PID1: variants seen among roughly 807,000 people sequenced by gnomAD.
The protein encoded by PID1 is PTB-containing, cubilin and LRP1-interacting protein.
A neutral mutation model predicts 19.1 loss-of-function variants in PID1; 10 were observed. The ratio of observed to expected loss-of-function variants is 0.52; its 90% confidence interval spans 0.32 to 0.89. The LOEUF (loss-of-function observed/expected upper bound fraction) is 0.89. Among genes scored for constraint, PID1 ranks in the 40% least tolerant of loss-of-function variants. The probability of loss-of-function intolerance (pLI) is 0.03; values close to 1 mark genes in which losing one functional copy is unlikely to be tolerated. For synonymous variants in PID1, 130 were observed against 116.0 expected, an observed-to-expected ratio of 1.12 and a Z score of -0.78; for missense variants, 248 against 285.3, an observed-to-expected ratio of 0.87 and a Z score of 0.94.
intron 2 of PID1, among the ~76,000 whole-genome samples, chr2:229,055,096 G>A (rs146820461): frequency 3.9e-5 from 6 of 152,170 alleles, no homozygotes; most frequent in East Asian, 1.9e-4. Flanking sequence ...CTCTGAATTC[G>A]TCCATTGTGG....
At chr2:229,087,245 G>T (rs972695984) in intron 2 of PID1, among the ~76,000 whole-genome samples, 1 of 152,106 alleles carries the variant, frequency 6.6e-6, no homozygotes, top group Admixed American at 6.5e-5. Flanking sequence ...TCTAGAGCAC[G>T]CATACATTTT....
rs1014951422 is a variant in PID1, at chr2:229,262,593, T to C, written c.30+8421A>G. 7 of 1,480,772 alleles carry C rather than the reference T, an allele frequency of 4.7e-6. No homozygotes were observed. The South Asian group carries it at 9.8e-5, about 21-fold the overall frequency. 91.7% of individuals were successfully genotyped at this position (1,480,772 alleles called of 1,614,324 possible). A position where few individuals can be genotyped will look rare whatever the true frequency, so the allele number is the denominator to read the frequency against. ...GACCAAACATAGTCAAGAGGCTATA[T>C]GGTTTCACTGGTGTAGTAGCTACCT... On this transcript the variant is annotated intron_variant, in intron 1 of 2. Transcript: ENST00000392055.
chr2:229,216,409 T>A (rs566334134), intron 1 of PID1, among the ~76,000 whole-genome samples: 1 of 152,222 alleles, frequency 6.6e-6, no homozygotes, highest in African/African-American at 2.4e-5. Context: ...GGTTTTCCTT[T>A]CCAAAACAGT....
At chr2:229,251,944 T>TAAAAAAA (rs11284650) in intron 1 of PID1, among the ~76,000 whole-genome samples, 15 of 71,464 alleles carry the variant, frequency 2.1e-4, no homozygotes, top group East Asian at 3.7e-4. Context: ...AACCATAAGC[T>TAAAAAAA]AAAAAAAAAA....
chr2:229,255,370 A>C (rs1052764509), intron 1 of PID1, among the ~76,000 whole-genome samples: 1 of 152,234 alleles, frequency 6.6e-6, no homozygotes. Context: ...TGAAAGCAGC[A>C]GTAAGTTTGC....
intron 2 of PID1, among the ~76,000 whole-genome samples, chr2:229,103,614 G>T (rs1359285775): frequency 1.7e-5 from 2 of 119,694 alleles, no homozygotes; most frequent in Admixed American, 1.2e-4. Context: ...GTCTCGCTCT[G>T]TCACCCAGGC....
chr2:229,176,167 AAAAAAC>A (rs1480266961), intron 1 of PID1, among the ~76,000 whole-genome samples: 4 of 137,770 alleles, frequency 2.9e-5, no homozygotes, highest in Non-Finnish European at 5.0e-5. Context: ...ATTAAAAAAA[AAAAAAC>A]AAAACAAAAC....
chr2:229,027,515 ACT>A (rs543106034), intron 2 of PID1, among the ~76,000 whole-genome samples: 1 of 152,170 alleles, frequency 6.6e-6, no homozygotes, highest in South Asian at 2.1e-4. Context: ...CACAGCTATG[ACT>A]CTGATGTAAG....
At chr2:229,041,053 A>G (rs1693761160) in intron 2 of PID1, among the ~76,000 whole-genome samples, 1 of 152,182 alleles carries the variant, frequency 6.6e-6, no homozygotes, top group African/African-American at 2.4e-5. Context: ...GTTTGTGTGT[A>G]CATGCATATA....
chr2:229,044,713 G>A (rs936554633), intron 2 of PID1, among the ~76,000 whole-genome samples: 4 of 152,238 alleles, frequency 2.6e-5, no homozygotes, highest in Admixed American at 1.3e-4. Context: ...ACTGCTTTAT[G>A]CTTCTTGCCA....
chr2:229,268,395 C>T (rs762367139), intron 1 of PID1, among the ~76,000 whole-genome samples: 13 of 152,186 alleles, frequency 8.5e-5, no homozygotes, highest in Admixed American at 2.6e-4. Flanking sequence ...CTATCACACT[C>T]CCCTGGGACA....
chr2:229,071,574 A>G (rs1279849090), intron 2 of PID1, among the ~76,000 whole-genome samples: 1 of 152,256 alleles, frequency 6.6e-6, no homozygotes, highest in Non-Finnish European at 1.5e-5. Context: ...TCTTCTATAT[A>G]TAAGTAACAA....
intron 2 of PID1, among the ~76,000 whole-genome samples, chr2:229,149,810 A>C (rs1394653783): frequency 1.3e-5 from 2 of 152,196 alleles, no homozygotes; most frequent in African/African-American, 4.8e-5. Flanking sequence ...TGGTGAGCAC[A>C]GGCCTAGGTG....
intron 1 of PID1, chr2:229,232,231 G>A: frequency 9.9e-7 from 1 of 1,011,124 alleles, no homozygotes; most frequent in Non-Finnish European, 1.3e-6. Context: ...AGACCATCCT[G>A]GCTAACACAG....
chr2:229,133,381 A>G (rs1689785090), intron 2 of PID1, among the ~76,000 whole-genome samples: 1 of 152,240 alleles, frequency 6.6e-6, no homozygotes, highest in Admixed American at 6.5e-5. Flanking sequence ...AACTCTCTTC[A>G]TTCCCTGTGA....
intron 2 of PID1, among the ~76,000 whole-genome samples, chr2:229,038,673 T>C (rs112794054): frequency 1.8e-4 from 28 of 152,326 alleles, no homozygotes; most frequent in African/African-American, 6.7e-4. Flanking sequence ...AAAATAATTT[T>C]TGAAAATTTC....
At chr2:229,096,224 A>T (rs897457440) in intron 2 of PID1, among the ~76,000 whole-genome samples, 1 of 152,130 alleles carries the variant, frequency 6.6e-6, no homozygotes, top group East Asian at 1.9e-4. Context: ...TATCTCTTTC[A>T]CTTTGGAAAA....
chr2:229,094,415 T>C (rs1694935070), intron 2 of PID1, among the ~76,000 whole-genome samples: 1 of 152,128 alleles, frequency 6.6e-6, no homozygotes, highest in Non-Finnish European at 1.5e-5. Flanking sequence ...AATAATGTCA[T>C]TTTTAACAGA....
At chr2:229,029,058 C>A (rs921195846) in intron 2 of PID1, among the ~76,000 whole-genome samples, 1 of 151,842 alleles carries the variant, frequency 6.6e-6, no homozygotes, top group African/African-American at 2.4e-5. Context: ...GAACAACAGA[C>A]ACTGGGGACC....
Sources: allele counts gnomAD v4.1 joint callset (sites outside exome capture counted in the v4.1 genomes callset), GRCh38; gene constraint gnomAD v4.1.1; transcripts MANE v1.5; gene names NCBI Gene and HGNC (gene_info 2026-07-23, HGNC 2026-07-21).